The following DMBT1 variants were observed in gnomAD, a reference collection of about 807,000 sequenced individuals.
DMBT1 encodes the protein scavenger receptor cysteine-rich domain-containing protein DMBT1.
In DMBT1, 198 loss-of-function variants were observed where a neutral mutation model predicts 252.9. The ratio of observed to expected loss-of-function variants is 0.78; its 90% CI spans 0.70 to 0.88. DMBT1 has a LOEUF of 0.88. Among genes scored for constraint, DMBT1 ranks in the 40% least tolerant of loss-of-function variants. DMBT1 has a pLI of 0.00. For synonymous variants in DMBT1, 990 were observed against 942.7 expected, an observed-to-expected ratio of 1.05 and a Z score of -0.92; for missense variants, 2,432 against 2,404.7, an observed-to-expected ratio of 1.01 and a Z score of -0.24.
chr10:122,573,668 C>T (rs753817108), intron 5 of DMBT1, 47 bp from the exon 6 acceptor site: 3 of 1,607,576 alleles, frequency 1.9e-6, no homozygotes, highest in Non-Finnish European at 2.6e-6. Flanking sequence ...CAACCCTCCC[C>T]AAGCGAGGGC....
intron 2 of DMBT1, among the ~76,000 whole-genome samples, chr10:122,567,055 A>G (rs543626931): frequency 2.0e-4 from 30 of 152,326 alleles, no homozygotes; most frequent in African/African-American, 7.0e-4. Context: ...TTAATTTTTC[A>G]GGGCCTTCCA....
At chr10:122,618,412 C>T in intron 41 of DMBT1, 72 bp downstream of exon 41, 2 of 1,609,240 alleles carry the variant, frequency 1.2e-6, no homozygotes, top group Non-Finnish European at 1.7e-6. Context: ...TAATTACATT[C>T]TGATCTCCTC....
rs1052897252 is a variant in DMBT1, at chr10:122,590,649, C to T, written c.2108-16C>T. On this transcript the variant is annotated splice_polypyrimidine_tract_variant and intron_variant, in intron 17 of 55. Coordinates refer to ENST00000338354, the MANE Select transcript of DMBT1 (RefSeq NM_001377530.1). ...TTCTGTATAGTGCATCTGATCTGAC[C>T]TCCTCTTTCTCACAGCTGCCCAGTC... 1 of 1,587,600 alleles carries T rather than the reference C, an allele frequency of 6.3e-7. No individual in the cohort carries two copies. The highest frequency in any genetic ancestry group is 1.7e-5 in the Admixed American group (1 of 59,490).
At chr10:122,619,871 T>A (rs2098044955) in intron 42 of DMBT1, among the ~76,000 whole-genome samples, 2 of 152,224 alleles carry the variant, frequency 1.3e-5, no homozygotes, top group South Asian at 4.1e-4. Context: ...ATATTTCTGG[T>A]GCCTCCACTT....
rs2097656591 is a variant in DMBT1 at position 122,570,912 on chromosome 10, G to C, written c.162G>C (p.Ser54=). Residue 54 remains serine, a synonymous_variant, in exon 4 of 56, where the codon TCG becomes TCC. Coordinates refer to ENST00000338354, the MANE Select transcript of DMBT1 (RefSeq NM_001377530.1). Reference sequence around the variant, plus strand: ...CAGGTTCTCCATTTCCCTCGGAGTCGACCCTGGAGTCAACTGTAGCAGAAG... The same window carrying C: ...CAGGTTCTCCATTTCCCTCGGAGTCCACCCTGGAGTCAACTGTAGCAGAAG... The part of the protein sequence containing the change: ...VAEGSPFPSE[S]TLESTVAEGS... 1 of 1,613,174 alleles carries C rather than the reference G, an allele frequency of 6.2e-7. No individual in the cohort carries two copies. The highest frequency in any genetic ancestry group is 1.3e-5 in the African/African-American group (1 of 74,858).
At chr10:122,588,242 G>C (rs2097809487) in intron 16 of DMBT1, among the ~76,000 whole-genome samples, 1 of 148,090 alleles carries the variant, frequency 6.8e-6, no homozygotes, top group African/African-American at 2.4e-5. Context: ...GAGAGGATGA[G>C]GGTCAGGGTG....
At chr10:122,639,491 G>A (rs1157927405) in intron 54 of DMBT1, among the ~76,000 whole-genome samples, 4 of 152,074 alleles carry the variant, frequency 2.6e-5, no homozygotes, top group Admixed American at 1.3e-4. Flanking sequence ...GTTCTCTGGC[G>A]GGCAGGGGCG....
intron 44 of DMBT1, 49 bp from the exon 45 acceptor site, chr10:122,625,228 A>G: frequency 6.3e-7 from 1 of 1,591,304 alleles, no homozygotes; most frequent in Non-Finnish European, 8.6e-7. Context: ...TCTCTCGCTC[A>G]TCATCCTGGG....
intron 20 of DMBT1, 40 bp from the exon 21 acceptor site, chr10:122,593,529 G>A (rs1460471103): frequency 2.5e-6 from 4 of 1,583,830 alleles, no homozygotes; most frequent in Non-Finnish European, 3.4e-6. Context: ...CGACTTCTGT[G>A]TAATGTTCCT....
chr10:122,589,334 T>G, intron 17 of DMBT1, 67 bp downstream of exon 17: 1 of 1,574,676 alleles, frequency 6.4e-7, no homozygotes, highest in Admixed American at 1.7e-5. Flanking sequence ...AGGTCTTATG[T>G]TCTAATCTCC....
Position 122,585,919 on chromosome 10 carries a change from A to G in DMBT1, c.1460-141A>G. ...GCTTCTTTGACTTTGATGAAGCTGAATCTCTGGTTTTATTCATATTCAAAG... is the reference window on the plus strand; with the variant it reads ...GCTTCTTTGACTTTGATGAAGCTGAGTCTCTGGTTTTATTCATATTCAAAG... On this transcript the variant is annotated intron_variant, in intron 15 of 55. Transcript: ENST00000338354. 3.4e-6 allele frequency: 5 copies of G among 1,477,782 alleles called. No individual in the cohort carries two copies. In the East Asian group the frequency reaches 1.2e-4, roughly 35 times the overall value. The allele number at this position is 1,477,782 out of a possible 1,614,324, so 91.5% of individuals were successfully genotyped here. A position where few individuals can be genotyped will look rare whatever the true frequency, so the allele number is the denominator to read the frequency against.
chr10:122,566,841 T>C (rs931011553), intron 2 of DMBT1, among the ~76,000 whole-genome samples: 4 of 152,230 alleles, frequency 2.6e-5, no homozygotes, highest in African/African-American at 9.7e-5. Flanking sequence ...AATACGATTA[T>C]ACCCATTTTG....
chr10:122,619,882 A>T (rs2098045072), intron 42 of DMBT1, among the ~76,000 whole-genome samples: 2 of 152,214 alleles, frequency 1.3e-5, no homozygotes, highest in Admixed American at 1.3e-4. Context: ...GCCTCCACTT[A>T]TCAGGAAACT....
rs2097795398 is a variant in DMBT1, at chr10:122,586,957, A to G, written c.1783+574A>G. On this transcript the variant is annotated intron_variant, in intron 16 of 55. Transcript: ENST00000338354. ...AAAGAGCAAGAGGGAGGGCCCAGAC[A>G]GTTTTCAACCACCAGCTCTTTCTAG... 1.4e-5 allele frequency among the ~76,000 whole-genome samples: 2 copies of G among 148,104 alleles called. 1 individual carries two copies. Among genetic ancestry groups the G allele is most frequent in the South Asian group, 4.6e-4 (2 of 4,358 alleles).
Position 122,592,329 on chromosome 10 carries a change from G to A in DMBT1, c.2234G>A (p.Arg745Gln), listed in dbSNP as rs771774683. Residue 745 changes from arginine (R) to glutamine (Q), a missense_variant, in exon 20 of 56, where the codon CGA becomes CAA. Physicochemically the swap from Arg to Gln is conservative, Grantham distance 43. This residue lies in a region of DMBT1 where 1,264 missense variants were observed against 1,082.2 expected (regional missense o/e 1.17). Coordinates refer to ENST00000338354, the MANE Select transcript of DMBT1 (RefSeq NM_001377530.1). ...AATGGAAGTGACAGGTGTCAGGGCCGAGTAGAGGTCCTATACCGAGGCTCC... is the reference window on the plus strand; with the variant it reads ...AATGGAAGTGACAGGTGTCAGGGCCAAGTAGAGGTCCTATACCGAGGCTCC... ...LVNGSDRCQG[R>Q]VEVLYRGSWG... The A allele has an allele frequency of 1.3e-5, 21 of 1,587,858 alleles. 1 individual carries two copies. Among genetic ancestry groups the A allele is most frequent in the Admixed American group, 6.7e-5 (4 of 59,514 alleles).
In DMBT1 at chr10:122,576,474, G is replaced by A. The variant is rs568734194; in HGVS notation, c.359G>A (p.Arg120Gln). The A allele has an allele frequency of 4.3e-5, 70 of 1,613,960 alleles. No individual in the cohort carries two copies. The South Asian group carries it at 6.4e-4, about 15-fold the overall frequency. Reference sequence around the variant, plus strand: ...CAGGGCCGAGTGGAGATCCTATACCGAGGCTCCTGGGGCACCGTGTGTGAT... The same window carrying A: ...CAGGGCCGAGTGGAGATCCTATACCAAGGCTCCTGGGGCACCGTGTGTGAT... ...RCQGRVEILY[R>Q]GSWGTVCDDS... Residue 120 changes from arginine (R) to glutamine (Q), a missense_variant, in exon 7 of 56, where the codon CGA becomes CAA. By Grantham distance (43) the Arg-to-Gln change is conservative. Around this residue, in one of 3 missense-constraint regions of DMBT1, gnomAD observed 1,264 missense variants for 1,082.2 expected, o/e 1.17. Transcript: ENST00000338354.
intron 2 of DMBT1, among the ~76,000 whole-genome samples, chr10:122,567,460 A>G (rs925445774): frequency 6.6e-6 from 1 of 152,130 alleles, no homozygotes; most frequent in Non-Finnish European, 1.5e-5. Flanking sequence ...CTTTGGGGAT[A>G]CCCTGAAGAT....
Position 122,617,682 on chromosome 10 carries a change from A to G in DMBT1, c.4892-335A>G, listed in dbSNP as rs114219724. 5.7e-3 allele frequency among the ~76,000 whole-genome samples: 857 copies of G among 151,438 alleles called. 30 individuals are homozygous for G. Among genetic ancestry groups the G allele is most frequent in the African/African-American group, 0.019 (788 of 41,092 alleles). On this transcript the variant is annotated intron_variant, in intron 40 of 55. Transcript: ENST00000338354. ...GAGAGGACCATGTGGATGCCACCAA[A>G]CTCTTAAACATGGGGCCAGCATGGG... is the stretch of plus-strand genomic sequence containing the variant.
At chr10:122,567,796 G>C (rs2981775) in intron 2 of DMBT1, among the ~76,000 whole-genome samples, 101,864 of 151,988 alleles carry the variant, frequency 0.67, 34,506 homozygotes, top group East Asian at 0.77. Context: ...CCTCCCAGGA[G>C]AGGAGGCTGG....
Sources: allele counts gnomAD v4.1 joint callset (sites outside exome capture counted in the v4.1 genomes callset), GRCh38; gene constraint gnomAD v4.1.1; regional missense constraint gnomAD v4.1.1; transcripts MANE v1.5; gene names NCBI Gene and HGNC (gene_info 2026-07-23, HGNC 2026-07-21).